Variants in SLX4IP observed in about 807,000 individuals in gnomAD.
SLX4IP encodes protein SLX4IP.
Under a neutral mutation model 32.9 loss-of-function variants are expected in SLX4IP, and 34 were observed. The ratio of observed to expected loss-of-function variants is 1.03; its 90% CI spans 0.79 to 1.38. SLX4IP has a LOEUF of 1.38. Ranked by LOEUF, SLX4IP falls within the 40% of genes most tolerant of loss-of-function variation. The pLI, the probability that SLX4IP is intolerant of heterozygous loss-of-function variation, is 0.00. For missense variants in SLX4IP, 444 were observed against 479.0 expected (o/e 0.93, Z 0.68); for synonymous variants, 172 against 171.7 (o/e 1.00, Z -0.01).
At chr20:10,593,335 C>A (rs530231959) in intron 4 of SLX4IP, among the ~76,000 whole-genome samples, 118 of 152,028 alleles carry the variant, frequency 7.8e-4, no homozygotes, top group Non-Finnish European at 1.4e-3. Context: ...TTAGTTTGAA[C>A]CTGTAATTTC....
chr20:10,620,537 G>C (rs2067096313), intron 6 of SLX4IP, among the ~76,000 whole-genome samples: 1 of 152,102 alleles, frequency 6.6e-6, no homozygotes, highest in Non-Finnish European at 1.5e-5. Flanking sequence ...CTGTTGCTAT[G>C]GTCTTGGGTG....
chr20:10,501,723 C>T (rs1255995134), intron 2 of SLX4IP, among the ~76,000 whole-genome samples: 1 of 148,384 alleles, frequency 6.7e-6, no homozygotes, highest in African/African-American at 2.4e-5. Flanking sequence ...CCCAGACAAA[C>T]AGACTTAAAG....
intron 2 of SLX4IP, among the ~76,000 whole-genome samples, chr20:10,468,090 C>G (rs1171426976): frequency 6.6e-6 from 1 of 152,186 alleles, no homozygotes; most frequent in East Asian, 1.9e-4. Context: ...AAACAAAGAA[C>G]TGAGTTTATC....
At chr20:10,562,267 G>T (rs1204694203) in intron 4 of SLX4IP, among the ~76,000 whole-genome samples, 1 of 152,196 alleles carries the variant, frequency 6.6e-6, no homozygotes, top group African/African-American at 2.4e-5. Context: ...GAGAATGGGT[G>T]CAAGGTTTTA....
At chr20:10,469,513 T>G (rs573557044) in intron 2 of SLX4IP, among the ~76,000 whole-genome samples, 2 of 152,378 alleles carry the variant, frequency 1.3e-5, no homozygotes, top group Middle Eastern at 3.4e-3. Flanking sequence ...CATTATATTT[T>G]ATTTTAATAA....
chr20:10,558,990 C>T (rs574186819), intron 3 of SLX4IP, among the ~76,000 whole-genome samples: 1 of 152,154 alleles, frequency 6.6e-6, no homozygotes, highest in Non-Finnish European at 1.5e-5. Context: ...TTTTGTCATG[C>T]TATTTTTAGT....
intron 1 of SLX4IP, among the ~76,000 whole-genome samples, chr20:10,446,877 T>C (rs1482473533): frequency 7.1e-6 from 1 of 140,398 alleles, no homozygotes; most frequent in Non-Finnish European, 1.6e-5. Flanking sequence ...TAGATATGGA[T>C]TGCAAATATT....
At chr20:10,516,374 C>T (rs1374695070) in intron 2 of SLX4IP, among the ~76,000 whole-genome samples, 1 of 103,754 alleles carries the variant, frequency 9.6e-6, no homozygotes, top group Non-Finnish European at 2.2e-5. Flanking sequence ...CCTTATTAAT[C>T]TTCAACAGAT....
intron 2 of SLX4IP, among the ~76,000 whole-genome samples, chr20:10,518,404 T>TTCC (rs1568719908): frequency 1.1e-5 from 1 of 92,426 alleles, no homozygotes; most frequent in African/African-American, 4.6e-5. Context: ...TCTTTCTTTC[T>TTCC]TTCCTTCCTT....
intron 2 of SLX4IP, among the ~76,000 whole-genome samples, chr20:10,504,969 T>A (rs1030439489): frequency 2.0e-5 from 3 of 151,856 alleles, no homozygotes; most frequent in East Asian, 1.9e-4. Flanking sequence ...AAAAAAAAAA[T>A]TTAATGAAGT....
chr20:10,455,851 TTTG>T, intron 1 of SLX4IP, among the ~76,000 whole-genome samples: 1 of 152,126 alleles, frequency 6.6e-6, no homozygotes, highest in Non-Finnish European at 1.5e-5. Context: ...CCTCAAGTGA[TTTG>T]CTAGCCTCGG....
chr20:10,464,154 C>A (rs564290308), intron 2 of SLX4IP, among the ~76,000 whole-genome samples: 8 of 152,104 alleles, frequency 5.3e-5, no homozygotes, highest in Middle Eastern at 3.4e-3. Flanking sequence ...AGAGAGGGGG[C>A]TGGATGAGGC....
chr20:10,568,693 C>G (rs1232543460), intron 4 of SLX4IP, among the ~76,000 whole-genome samples: 1 of 152,146 alleles, frequency 6.6e-6, no homozygotes, highest in Non-Finnish European at 1.5e-5. Context: ...GGGAGAAGTT[C>G]CAGAAACTTT....
At chr20:10,585,842 C>T (rs1012048543) in intron 4 of SLX4IP, among the ~76,000 whole-genome samples, 5 of 152,094 alleles carry the variant, frequency 3.3e-5, no homozygotes, top group African/African-American at 7.2e-5. Context: ...CCACCTGCCT[C>T]GGCCTCCCAA....
intron 1 of SLX4IP, among the ~76,000 whole-genome samples, chr20:10,439,334 G>A (rs916623820): frequency 6.6e-6 from 1 of 151,892 alleles, no homozygotes; most frequent in East Asian, 1.9e-4. Context: ...TCAGCCTCCC[G>A]AGTAGCTGGG....
At chr20:10,502,365 A>G (rs994522779) in intron 2 of SLX4IP, among the ~76,000 whole-genome samples, 1 of 152,184 alleles carries the variant, frequency 6.6e-6, no homozygotes, top group African/African-American at 2.4e-5. Context: ...GTCAGATCCC[A>G]TCACTCCTCG....
rs551882127 is a variant in SLX4IP, at chr20:10,621,100, A to G, written c.406-214A>G. On this transcript the variant is annotated intron_variant, in intron 6 of 7. Transcript: ENST00000334534. The stretch of plus-strand genomic sequence containing the variant: ...TTACAGTTTTGTATGTTTATGACGC[A>G]TGTTAATGTATGAAATGTGGACTGG... Among the ~76,000 whole-genome samples, 14 of 152,356 alleles carry G rather than the reference A, an allele frequency of 9.2e-5. No individual in the cohort carries two copies. In the East Asian group the frequency reaches 1.2e-3, roughly 13 times the overall value.
intron 3 of SLX4IP, among the ~76,000 whole-genome samples, chr20:10,557,117 C>T (rs1180501198): frequency 6.6e-6 from 1 of 152,100 alleles, no homozygotes; most frequent in Admixed American, 6.5e-5. Context: ...GTCCATTTAC[C>T]ACAGTTGCTT....
chr20:10,604,143 A>G (rs1011253924), intron 6 of SLX4IP, among the ~76,000 whole-genome samples: 1 of 152,240 alleles, frequency 6.6e-6, no homozygotes, highest in Non-Finnish European at 1.5e-5. Context: ...ACCAAAGGGC[A>G]GGATCCATCT....
Sources: gnomAD v4.1 joint callset for allele counts (sites outside exome capture counted in the v4.1 genomes callset) on GRCh38, gnomAD v4.1.1 for gene constraint, MANE v1.5 for transcripts, NCBI Gene and HGNC (gene_info 2026-07-23, HGNC 2026-07-21) for gene names.